KAZN: variants seen among roughly 807,000 people sequenced by gnomAD.
The protein encoded by KAZN is kazrin.
Under a neutral mutation model 87.4 loss-of-function variants are expected in KAZN, and 40 were observed. The observed-to-expected ratio is 0.46, with a 90% CI of 0.36 to 0.60. KAZN has a LOEUF of 0.60. Among genes scored for constraint, KAZN ranks in the 20% least tolerant of loss-of-function variants. The pLI is 0.00. For synonymous variants in KAZN, 466 were observed against 458.3 expected (o/e 1.02, Z -0.22); for missense variants, 898 against 1,073.9 (o/e 0.84, Z 2.29).
intron 1 of KAZN, among the ~76,000 whole-genome samples, chr1:14,151,335 T>C (rs1645469994): frequency 6.6e-6 from 1 of 152,168 alleles, no homozygotes; most frequent in Non-Finnish European, 1.5e-5. Context: ...CTATAAAATT[T>C]AGTGCCCCAG....
In KAZN at chr1:14,735,209, G is replaced by A. The variant is rs928816092; in HGVS notation, c.226+135986G>A. 9.2e-5 allele frequency among the ~76,000 whole-genome samples: 14 copies of A among 152,108 alleles called. No individual in the cohort carries two copies. The highest frequency in any genetic ancestry group is 1.6e-4 in the Non-Finnish European group (11 of 68,034). ...GGAGCAGCTGGGACTACAGGCACCCGCCACCATGCCCGGCTAATTTTTTTG... is the reference window on the plus strand; with the variant it reads ...GGAGCAGCTGGGACTACAGGCACCCACCACCATGCCCGGCTAATTTTTTTG... On this transcript the variant is annotated intron_variant, in intron 1 of 14. Transcript: ENST00000376030. The surrounding 1 kb of genome is among the most constrained non-coding windows in gnomAD (Gnocchi z 4.3).
At chr1:14,205,950 A>C (rs994360288) in intron 2 of KAZN, among the ~76,000 whole-genome samples, 5 of 147,494 alleles carry the variant, frequency 3.4e-5, no homozygotes, top group Middle Eastern at 3.4e-3. Flanking sequence ...GCAACACACC[A>C]ACGTGGCGCA....
At chr1:14,895,465 C>T (rs2101200089) in intron 1 of KAZN, among the ~76,000 whole-genome samples, 1 of 152,354 alleles carries the variant, frequency 6.6e-6, no homozygotes, top group East Asian at 1.9e-4. Flanking sequence ...CATGTCTCAG[C>T]AGCCCAAGCC....
chr1:14,261,295 A>G (rs746289203), intron 2 of KAZN, among the ~76,000 whole-genome samples: 17 of 152,198 alleles, frequency 1.1e-4, no homozygotes, highest in Non-Finnish European at 2.4e-4. Context: ...ATTAAGGATA[A>G]ATGAAATCAT....
intron 2 of KAZN, among the ~76,000 whole-genome samples, chr1:14,408,406 G>C (rs1664040490): frequency 6.6e-6 from 1 of 152,208 alleles, no homozygotes; most frequent in Non-Finnish European, 1.5e-5. Context: ...TAGATTCAGA[G>C]GGGGAAAGCC....
exon 2 of KAZN, chr1:14,180,438 T>C (rs1269273414): frequency 6.5e-7 from 1 of 1,549,794 alleles, no homozygotes; most frequent in Admixed American, 2.0e-5. Context: ...TCCACAGCTG[T>C]GCAATCATTG....
intron 2 of KAZN, among the ~76,000 whole-genome samples, chr1:14,439,384 C>T (rs1185333892): frequency 6.6e-6 from 1 of 152,172 alleles, no homozygotes; most frequent in African/African-American, 2.4e-5. Flanking sequence ...GCTTTGAAAA[C>T]TATAACTGCC....
chr1:14,241,685 TGAG>T (rs1648949131), intron 2 of KAZN, among the ~76,000 whole-genome samples: 2 of 152,104 alleles, frequency 1.3e-5, no homozygotes, highest in South Asian at 4.2e-4. Flanking sequence ...ATTTCACAGA[TGAG>T]GAGAGAGAGG....
intron 1 of KAZN, among the ~76,000 whole-genome samples, chr1:14,851,721 C>T (rs1000280103): frequency 5.9e-5 from 9 of 152,356 alleles, no homozygotes; most frequent in South Asian, 2.1e-4. Context: ...TGGCAAGGCC[C>T]GCCTGAAGGA....
chr1:14,214,269 G>T (rs1171321935), intron 2 of KAZN, among the ~76,000 whole-genome samples: 1 of 151,860 alleles, frequency 6.6e-6, no homozygotes, highest in Non-Finnish European at 1.5e-5. Flanking sequence ...TATCTGACAT[G>T]ATCACATACA....
At chr1:14,798,115 C>A (rs1242581979) in intron 1 of KAZN, among the ~76,000 whole-genome samples, 1 of 152,156 alleles carries the variant, frequency 6.6e-6, no homozygotes, top group Non-Finnish European at 1.5e-5. Context: ...TCACGCATGA[C>A]ACCTCTGGGC....
At chr1:14,674,091 A>G (rs1411188354) in intron 1 of KAZN, among the ~76,000 whole-genome samples, 8 of 152,254 alleles carry the variant, frequency 5.3e-5, no homozygotes, top group Non-Finnish European at 1.0e-4. Flanking sequence ...AGAGAAGTAC[A>G]GAAACTTGCT....
intron 2 of KAZN, among the ~76,000 whole-genome samples, chr1:14,995,261 T>C (rs1278323205): frequency 6.6e-6 from 1 of 152,234 alleles, no homozygotes; most frequent in Non-Finnish European, 1.5e-5. Flanking sequence ...TGGAGTTCCC[T>C]GCCAAGCCTG....
chr1:14,638,579 CAA>C (rs60784404), intron 1 of KAZN, among the ~76,000 whole-genome samples: 116 of 128,696 alleles, frequency 9.0e-4, no homozygotes, highest in Non-Finnish European at 1.0e-3. Flanking sequence ...AAAAAAAAAA[CAA>C]AAAAAAAAAA....
intron 2 of KAZN, among the ~76,000 whole-genome samples, chr1:14,290,717 A>G (rs1035689389): frequency 6.6e-6 from 1 of 152,068 alleles, no homozygotes; most frequent in African/African-American, 2.4e-5. Context: ...GCTTTGCTCC[A>G]TTGCTGGCCA....
intron 2 of KAZN, among the ~76,000 whole-genome samples, chr1:14,478,455 A>G (rs1026763839): frequency 6.6e-6 from 1 of 152,182 alleles, no homozygotes; most frequent in African/African-American, 2.4e-5. Flanking sequence ...TTGAGACCCA[A>G]TTGGATGAAT....
At chr1:14,388,577 C>T (rs1412624899) in intron 2 of KAZN, among the ~76,000 whole-genome samples, 1 of 152,100 alleles carries the variant, frequency 6.6e-6, no homozygotes, top group Non-Finnish European at 1.5e-5. Context: ...TTTTGACAAA[C>T]ATGCCAAGAG....
intron 2 of KAZN, among the ~76,000 whole-genome samples, chr1:14,977,294 AG>A (rs1002624594): frequency 1.6e-4 from 25 of 152,168 alleles, no homozygotes; most frequent in Non-Finnish European, 3.4e-4. Flanking sequence ...GGGACGTAGT[AG>A]GGACAATTTG....
chr1:13,941,214 A>AC (rs1259978436), intron 1 of KAZN, among the ~76,000 whole-genome samples: 6 of 152,194 alleles, frequency 3.9e-5, no homozygotes, highest in South Asian at 2.1e-4. Context: ...ACAACAAAAA[A>AC]AAAACAATAA....
Sources: gnomAD v4.1 joint callset for allele counts (sites outside exome capture counted in the v4.1 genomes callset) on GRCh38, gnomAD v4.1.1 for gene constraint, Gnocchi (gnomAD v3.1) non-coding constraint, MANE v1.5 for transcripts, NCBI Gene and HGNC (gene_info 2026-07-23, HGNC 2026-07-21) for gene names.